Variants in HTR2B observed in about 807,000 individuals in gnomAD.
HTR2B encodes the protein 5-HT 2B receptor.
A neutral mutation model predicts 39.8 loss-of-function variants in HTR2B; 31 were observed. That is an observed-to-expected ratio of 0.78 (90% CI 0.58 to 1.05). The LOEUF (loss-of-function observed/expected upper bound fraction) is 1.05, where lower values mean the gene tolerates loss of function less well. HTR2B is among the 50% of genes least tolerant of loss of function. HTR2B has a pLI of 0.00. For synonymous variants in HTR2B, 210 were observed against 207.1 expected, an observed-to-expected ratio of 1.01 and a Z score of -0.12; for missense variants, 562 against 578.0, an observed-to-expected ratio of 0.97 and a Z score of 0.28.
intron 3 of HTR2B, among the ~76,000 whole-genome samples, chr2:231,113,034 T>G (rs558437429): frequency 2.6e-5 from 4 of 151,464 alleles, no homozygotes; most frequent in East Asian, 1.9e-4. Flanking sequence ...GCATGGGGGG[T>G]GTGTCTGTAG....
intron 2 of HTR2B, among the ~76,000 whole-genome samples, chr2:231,116,952 C>CT (rs561372935): frequency 6.6e-6 from 1 of 151,856 alleles, no homozygotes; most frequent in East Asian, 1.9e-4. Context: ...TAATAGAAAC[C>CT]TTATATACAA....
In HTR2B at chr2:231,108,674, T is replaced by G; in HGVS notation, c.1289A>C (p.Lys430Thr). 1 of 1,614,168 alleles carries G rather than the reference T, an allele frequency of 6.2e-7. No homozygotes were observed. Among genetic ancestry groups the G allele is most frequent in the Non-Finnish European group, 8.5e-7 (1 of 1,180,028 alleles). Residue 430 changes from lysine to threonine, a missense_variant, in exon 4 of 4, where the codon AAA becomes ACA. Lys to Thr is a moderately conservative substitution (Grantham distance 78, BLOSUM62 -1). Transcript: ENST00000258400. ...PMAENSKFFK[K>T]HGIRNGINPA... ...GTTAATCCCATTTCGAATTCCATGTTTCTTGAAAAACTTAGAGTTCTCTGC... is the reference window on the plus strand; with the variant it reads ...GTTAATCCCATTTCGAATTCCATGTGTCTTGAAAAACTTAGAGTTCTCTGC...
chr2:231,119,119 A>G (rs1176982476), intron 2 of HTR2B, among the ~76,000 whole-genome samples: 2 of 152,318 alleles, frequency 1.3e-5, no homozygotes, highest in African/African-American at 4.8e-5. Context: ...TAAGCATTTT[A>G]ATGCTTACAG....
rs761682358 is a variant in HTR2B, at chr2:231,109,191, G to T, written c.772C>A (p.Arg258Ser). The T allele has an allele frequency of 6.2e-7, 1 of 1,614,188 alleles. No individual in the cohort carries two copies. Among genetic ancestry groups the T allele is most frequent in the Admixed American group, 1.7e-5 (1 of 60,012 alleles). ...GTAGACACAGTCAACCATGTTAGGC[G>T]TTGAGGTGGCTTGTTTTTGACTAAG... Reference protein sequence around the residue: ...AYLVKNKPPQRLTWLTVSTVF... With the variant: ...AYLVKNKPPQSLTWLTVSTVF... The change falls in exon 4 of 4, where the codon CGC becomes AGC. Residue 258 changes from arginine (R) to serine (S), a missense_variant. Transcript: ENST00000258400.
chr2:231,108,827 A>G lies in HTR2B; in HGVS notation c.1136T>C (p.Val379Ala). 1 of 1,614,170 alleles carries G rather than the reference A, an allele frequency of 6.2e-7. No homozygotes were observed. Among genetic ancestry groups the G allele is most frequent in the Non-Finnish European group, 8.5e-7 (1 of 1,180,022 alleles). Residue 379 changes from valine to alanine, a missense_variant, in exon 4 of 4, where the codon GTC (valine) becomes GCC (alanine). Val to Ala is a moderately conservative substitution (Grantham distance 64). Coordinates refer to ENST00000258400, the MANE Select transcript of HTR2B (RefSeq NM_000867.5). ...AAATGTCTTATTGAAGAGGGTGTAG[A>G]CCAAAGGATTCACTCCTGAGGAAAC... The part of the protein sequence containing the change: ...GYVSSGVNPL[V>A]YTLFNKTFRD...
At chr2:231,114,675 A>G (rs533488622) in intron 2 of HTR2B, among the ~76,000 whole-genome samples, 3 of 152,310 alleles carry the variant, frequency 2.0e-5, no homozygotes, top group African/African-American at 7.2e-5. Context: ...ACTCTTATAA[A>G]ACACTGCATA....
chr2:231,123,644 C>G lies in HTR2B; in HGVS notation c.121G>C (p.Glu41Gln). ...WSGLQTESIP[E>Q]EMKQIVEEQG... Reference sequence around the variant, plus strand: ...TCCTCAACAATCTGTTTCATTTCCTCTGGTATTGATTCTGTCTGTAATCCA... The same window carrying G: ...TCCTCAACAATCTGTTTCATTTCCTGTGGTATTGATTCTGTCTGTAATCCA... The change falls in exon 2 of 4, where the codon GAG becomes CAG. Residue 41 changes from glutamate (E) to glutamine (Q), a missense_variant. By Grantham distance (29) the Glu-to-Gln change is conservative. Coordinates refer to ENST00000258400, the MANE Select transcript of HTR2B (RefSeq NM_000867.5). 6.2e-7 allele frequency: 1 copy of G among 1,614,024 alleles called. No individual in the cohort carries two copies.
chr2:231,108,430 A>G lies in HTR2B; in HGVS notation c.*87T>C, dbSNP rs934588297. On this transcript the variant is annotated 3_prime_UTR_variant, in exon 4 of 4. Transcript: ENST00000258400. ...AGAGATGATTTGATATATGACATAAAATTCTTTATATAATATATTCTTGGC... is the reference window on the plus strand; with the variant it reads ...AGAGATGATTTGATATATGACATAAGATTCTTTATATAATATATTCTTGGC... 3.2e-6 allele frequency: 3 copies of G among 944,088 alleles called. No individual in the cohort carries two copies. The highest frequency in any genetic ancestry group is 2.1e-5 in the Admixed American group (1 of 48,260). The allele number at this position is 944,088 out of a possible 1,614,324, so 58.5% of individuals were successfully genotyped here. A position where few individuals can be genotyped will look rare whatever the true frequency, so the allele number is the denominator to read the frequency against.
chr2:231,114,934 G>A (rs576494369), intron 2 of HTR2B, among the ~76,000 whole-genome samples: 26 of 152,054 alleles, frequency 1.7e-4, no homozygotes, highest in Non-Finnish European at 3.7e-4. Flanking sequence ...CTCCTGTAGA[G>A]AACAGATGTC....
intron 3 of HTR2B, among the ~76,000 whole-genome samples, chr2:231,112,141 C>T (rs1695175086): frequency 6.6e-6 from 1 of 152,146 alleles, no homozygotes; most frequent in Non-Finnish European, 1.5e-5. Flanking sequence ...AACTCTCCCA[C>T]CCCACCCCAA....
intron 2 of HTR2B, among the ~76,000 whole-genome samples, chr2:231,115,909 C>T (rs1446946109): frequency 6.6e-6 from 1 of 151,974 alleles, no homozygotes; most frequent in Admixed American, 6.6e-5. Flanking sequence ...CCAGGTGATT[C>T]GTATGCAAAT....
intron 3 of HTR2B, among the ~76,000 whole-genome samples, chr2:231,113,480 T>A (rs1318870941): frequency 1.3e-5 from 2 of 152,214 alleles, no homozygotes; most frequent in East Asian, 3.8e-4. Flanking sequence ...CAGAAAGAAA[T>A]CTCAATAAAC....
At chr2:231,116,595 G>A (rs1445160175) in intron 2 of HTR2B, among the ~76,000 whole-genome samples, 2 of 151,930 alleles carry the variant, frequency 1.3e-5, no homozygotes, top group Non-Finnish European at 2.9e-5. Context: ...CGTGTCTTTG[G>A]AATTTGACCA....
chr2:231,118,265 C>G, intron 2 of HTR2B, among the ~76,000 whole-genome samples: 1 of 152,102 alleles, frequency 6.6e-6, no homozygotes, highest in East Asian at 1.9e-4. Flanking sequence ...TTAACAGAAA[C>G]TAGCCAACTA....
intron 3 of HTR2B, among the ~76,000 whole-genome samples, 190 bp from the exon 4 acceptor site, chr2:231,109,599 T>C (rs1695086599): frequency 6.6e-6 from 1 of 152,244 alleles, no homozygotes; most frequent in Non-Finnish European, 1.5e-5. Context: ...TGAGCAAATC[T>C]GTTTTTAAAC....
chr2:231,109,886 T>C (rs1695096770), intron 3 of HTR2B, among the ~76,000 whole-genome samples: 2 of 152,220 alleles, frequency 1.3e-5, no homozygotes, highest in South Asian at 4.1e-4. Flanking sequence ...CAGTTTTTCC[T>C]TTTGATATGT....
In HTR2B at chr2:231,123,361, T is replaced by C. The variant is rs1465920042; in HGVS notation, c.352+52A>G. ...GATTAAATGAGTGTCCATTCTCTAA[T>C]AGTATATCATAGTTCTGTGGTTTGA... On this transcript the variant is annotated intron_variant, in intron 2 of 3. Transcript: ENST00000258400. 4.1e-6 allele frequency: 5 copies of C among 1,228,464 alleles called. No individual in the cohort carries two copies. The Admixed American group carries it at 8.4e-5, about 21-fold the overall frequency. 76.1% of individuals were successfully genotyped at this position (1,228,464 alleles called of 1,614,324 possible).
Position 231,108,800 on chromosome 2 carries a change from C to T in HTR2B, c.1163G>A (p.Arg388Gln), listed in dbSNP as rs1462073032. The stretch of plus-strand genomic sequence containing the variant: ...GGTGATATATCGGCCAAATGCATCC[C>T]GAAATGTCTTATTGAAGAGGGTGTA... ...LVYTLFNKTF[R>Q]DAFGRYITCN... is the part of the protein sequence containing the mutation. The change falls in exon 4 of 4, where the codon CGG (arginine) becomes CAG (glutamine). Residue 388 changes from arginine (R) to glutamine (Q), a missense_variant. Transcript: ENST00000258400. 8 of 1,614,042 alleles carry T rather than the reference C, an allele frequency of 5.0e-6. No homozygotes were observed. Among genetic ancestry groups the T allele is most frequent in the South Asian group, 1.1e-5 (1 of 91,066 alleles).
In HTR2B at chr2:231,109,319, C is replaced by A. The variant is rs534171987; in HGVS notation, c.644G>T (p.Gly215Val). ...ITCVLTKERF[G>V]DFMLFGSLAA... Reference sequence around the variant, plus strand: ...CAGTGAGCCAAAGAGCATGAAATCGCCAAAACGTTCCTTTGTCAGCACACA... The same window carrying A: ...CAGTGAGCCAAAGAGCATGAAATCGACAAAACGTTCCTTTGTCAGCACACA... Residue 215 changes from glycine to valine, a missense_variant, in exon 4 of 4, where the codon GGC (glycine) becomes GTC (valine). Transcript: ENST00000258400. 6.2e-7 allele frequency: 1 copy of A among 1,614,008 alleles called. No individual in the cohort carries two copies. The highest frequency in any genetic ancestry group is 8.5e-7 in the Non-Finnish European group (1 of 1,179,958).
Sources: allele counts gnomAD v4.1 joint callset (sites outside exome capture counted in the v4.1 genomes callset), GRCh38; gene constraint gnomAD v4.1.1; transcripts MANE v1.5; gene names NCBI Gene and HGNC (gene_info 2026-07-23, HGNC 2026-07-21).